The following SPRED1 variants were observed in gnomAD, a reference collection of about 807,000 sequenced individuals.
SPRED1 encodes sprouty related EVH1 domain containing 1, also known as sprouty-related, EVH1 domain-containing protein 1.
Under a neutral mutation model 52.3 loss-of-function variants are expected in SPRED1, and 18 were observed. The observed-to-expected ratio is 0.34, with a 90% CI of 0.24 to 0.51. The LOEUF (loss-of-function observed/expected upper bound fraction) is 0.51. Ranked by LOEUF, SPRED1 falls within the 20% of genes least tolerant of loss-of-function variation. The probability of loss-of-function intolerance (pLI) is 0.97; values close to 1 mark genes in which losing one functional copy is unlikely to be tolerated. For synonymous variants in SPRED1, 155 were observed against 179.7 expected (o/e 0.86, Z 1.10); for missense variants, 485 against 551.0 (o/e 0.88, Z 1.20).
intron 5 of SPRED1, among the ~76,000 whole-genome samples, chr15:38,341,253 G>A (rs913927657): frequency 6.6e-6 from 1 of 151,886 alleles, no homozygotes; most frequent in African/African-American, 2.4e-5. Context: ...CCTTTTCAAA[G>A]ATAACTTTTG....
intron 4 of SPRED1, among the ~76,000 whole-genome samples, chr15:38,339,318 CTG>C (rs1280605953): frequency 1.3e-5 from 2 of 152,158 alleles, no homozygotes; most frequent in Non-Finnish European, 2.9e-5. Context: ...TTTTGACTCA[CTG>C]TATCAACAGC....
intron 2 of SPRED1, among the ~76,000 whole-genome samples, chr15:38,315,670 C>T (rs17571830): frequency 0.2 from 29,795 of 151,716 alleles, 3,376 homozygotes; most frequent in Middle Eastern, 0.33. Flanking sequence ...CTTTAGAATC[C>T]ATTAACAAAC....
At chr15:38,298,331 C>G (rs192468699) in intron 1 of SPRED1, among the ~76,000 whole-genome samples, 12 of 152,114 alleles carry the variant, frequency 7.9e-5, no homozygotes, top group Admixed American at 5.9e-4. Context: ...TCCTGTGACC[C>G]GTTAATTCCA....
chr15:38,290,867 A>G (rs1465682776), intron 1 of SPRED1, among the ~76,000 whole-genome samples: 1 of 152,154 alleles, frequency 6.6e-6, no homozygotes, highest in African/African-American at 2.4e-5. Context: ...GTGGGGACAC[A>G]GCTACCCCAT....
intron 1 of SPRED1, among the ~76,000 whole-genome samples, chr15:38,293,486 A>G (rs1458999794): frequency 6.6e-6 from 1 of 152,124 alleles, no homozygotes; most frequent in Non-Finnish European, 1.5e-5. Context: ...TATTTGCTCT[A>G]GTTTTTAGAG....
intron 1 of SPRED1, among the ~76,000 whole-genome samples, chr15:38,270,133 C>T (rs960372563): frequency 3.3e-5 from 5 of 152,038 alleles, no homozygotes; most frequent in Admixed American, 3.3e-4. Context: ...TCATGAACTC[C>T]CGACCTCAGG....
chr15:38,264,454 C>T (rs1315032411), intron 1 of SPRED1, among the ~76,000 whole-genome samples: 1 of 152,046 alleles, frequency 6.6e-6, no homozygotes, highest in Non-Finnish European at 1.5e-5. Flanking sequence ...AATGGAAAGA[C>T]AAAGAGATTT....
intron 4 of SPRED1, among the ~76,000 whole-genome samples, chr15:38,336,808 G>A (rs1895933458): frequency 6.6e-6 from 1 of 151,974 alleles, no homozygotes; most frequent in South Asian, 2.1e-4. Flanking sequence ...GGTGGTGAGG[G>A]ATAAAAGGCT....
At chr15:38,340,677 C>T (rs143727467) in intron 5 of SPRED1, among the ~76,000 whole-genome samples, 3 of 152,188 alleles carry the variant, frequency 2.0e-5, no homozygotes, top group African/African-American at 7.2e-5. Flanking sequence ...GGATTACAGG[C>T]ACCTGCCACC....
At chr15:38,305,529 G>A (rs887643060) in intron 2 of SPRED1, among the ~76,000 whole-genome samples, 1 of 151,740 alleles carries the variant, frequency 6.6e-6, no homozygotes, top group Non-Finnish European at 1.5e-5. Context: ...ATTACAATAA[G>A]TAAAACAGGA....
At chr15:38,338,305 T>TTG (rs1265657579) in intron 4 of SPRED1, among the ~76,000 whole-genome samples, 1 of 149,750 alleles carries the variant, frequency 6.7e-6, no homozygotes, top group Non-Finnish European at 1.5e-5. Flanking sequence ...TTTGTTTTGT[T>TTG]TTTTTTCTCC....
intron 2 of SPRED1, among the ~76,000 whole-genome samples, chr15:38,313,310 G>A (rs908379122): frequency 6.6e-6 from 1 of 151,868 alleles, no homozygotes; most frequent in African/African-American, 2.4e-5. Flanking sequence ...TTAGTCTTCT[G>A]TAAAATGGAG....
intron 1 of SPRED1, among the ~76,000 whole-genome samples, chr15:38,273,714 T>G (rs1894488829): frequency 6.6e-6 from 1 of 152,090 alleles, no homozygotes; most frequent in South Asian, 2.1e-4. Context: ...TTAGCCCAGT[T>G]GGGTCTGGCA....
chr15:38,255,691 A>G (rs1894079997), intron 1 of SPRED1, among the ~76,000 whole-genome samples: 1 of 152,202 alleles, frequency 6.6e-6, no homozygotes, highest in African/African-American at 2.4e-5. Context: ...ATTTATAGTC[A>G]TTATGAAGAA....
intron 4 of SPRED1, among the ~76,000 whole-genome samples, chr15:38,327,659 C>G (rs1026265567): frequency 6.6e-6 from 1 of 152,194 alleles, no homozygotes; most frequent in African/African-American, 2.4e-5. Flanking sequence ...GCAAGTCCTC[C>G]AGCCACAAAC....
intron 1 of SPRED1, among the ~76,000 whole-genome samples, chr15:38,274,311 C>G (rs1162988545): frequency 3.9e-5 from 6 of 152,158 alleles, no homozygotes; most frequent in Non-Finnish European, 8.8e-5. Context: ...CTGGGGGGAA[C>G]TGCCAACAGG....
chr15:38,274,048 A>T (rs1383540768), intron 1 of SPRED1, among the ~76,000 whole-genome samples: 1 of 152,200 alleles, frequency 6.6e-6, no homozygotes, highest in South Asian at 2.1e-4. Flanking sequence ...TGTGGCCATT[A>T]TTGGTAATTA....
At chr15:38,330,030 G>A (rs914610364) in intron 4 of SPRED1, among the ~76,000 whole-genome samples, 6 of 152,080 alleles carry the variant, frequency 3.9e-5, no homozygotes, top group Admixed American at 2.6e-4. Context: ...AAAAATCCTA[G>A]AAATATACTT....
chr15:38,305,669 T>C (rs1057499695), intron 2 of SPRED1, among the ~76,000 whole-genome samples: 1 of 152,130 alleles, frequency 6.6e-6, no homozygotes, highest in Non-Finnish European at 1.5e-5. Flanking sequence ...TTACCAAGAA[T>C]GTAGGTAACA....
Sources: gnomAD v4.1 joint callset for allele counts (sites outside exome capture counted in the v4.1 genomes callset) on GRCh38, gnomAD v4.1.1 for gene constraint, MANE v1.5 for transcripts, NCBI Gene and HGNC (gene_info 2026-07-23, HGNC 2026-07-21) for gene names.